Variants in MARCHF1 observed in about 807,000 individuals in gnomAD.
MARCHF1 encodes the protein membrane associated ring-CH-type finger 1.
In MARCHF1, 40 loss-of-function variants were observed where a neutral mutation model predicts 54.2. The observed-to-expected ratio is 0.74, with a 90% confidence interval of 0.57 to 0.96. MARCHF1 has a LOEUF of 0.96. Ranked by LOEUF, MARCHF1 falls within the 40% of genes least tolerant of loss-of-function variation. The pLI is 0.00. For missense variants in MARCHF1, 586 were observed against 656.5 expected, an observed-to-expected ratio of 0.89 and a Z score of 1.17; for synonymous variants, 236 against 236.3, an observed-to-expected ratio of 1.00 and a Z score of 0.01.
chr4:163,851,355 T>C (rs1471933961), intron 4 of MARCHF1, among the ~76,000 whole-genome samples: 1 of 152,196 alleles, frequency 6.6e-6, no homozygotes, highest in African/African-American at 2.4e-5. Context: ...GGATTGTGCC[T>C]GTGATTGACA....
chr4:164,221,853 C>G (rs139219086), intron 1 of MARCHF1, among the ~76,000 whole-genome samples: 1 of 152,076 alleles, frequency 6.6e-6, no homozygotes, highest in Non-Finnish European at 1.5e-5. Flanking sequence ...TATGTCCACT[C>G]CAGACTAATC....
At chr4:163,930,852 T>C (rs890932198) in intron 3 of MARCHF1, among the ~76,000 whole-genome samples, 1 of 152,100 alleles carries the variant, frequency 6.6e-6, no homozygotes, top group Non-Finnish European at 1.5e-5. Flanking sequence ...TTGGATGAAA[T>C]GAATGTACTT....
At chr4:164,128,889 C>T (rs966915422) in intron 1 of MARCHF1, among the ~76,000 whole-genome samples, 6 of 152,150 alleles carry the variant, frequency 3.9e-5, no homozygotes, top group African/African-American at 1.4e-4. Flanking sequence ...ACTCCAATAC[C>T]TCCTACTAAG....
intron 4 of MARCHF1, among the ~76,000 whole-genome samples, chr4:163,781,066 G>A (rs192731058): frequency 3.3e-5 from 5 of 152,256 alleles, no homozygotes; most frequent in South Asian, 4.1e-4. Context: ...AACAGAGGCC[G>A]GGCACGGTGG....
chr4:163,636,738 A>G (rs1248883432), intron 5 of MARCHF1, among the ~76,000 whole-genome samples: 4 of 152,244 alleles, frequency 2.6e-5, no homozygotes, highest in African/African-American at 9.6e-5. Flanking sequence ...ACAATTGGAA[A>G]AAACTACTTT....
At chr4:163,811,719 A>G (rs190517916) in intron 4 of MARCHF1, among the ~76,000 whole-genome samples, 52 of 152,338 alleles carry the variant, frequency 3.4e-4, no homozygotes, top group African/African-American at 1.2e-3. Flanking sequence ...AAGCTTTACT[A>G]TAATAGTAAT....
intron 5 of MARCHF1, among the ~76,000 whole-genome samples, chr4:163,634,109 A>G (rs906633411): frequency 6.6e-6 from 1 of 152,214 alleles, no homozygotes; most frequent in African/African-American, 2.4e-5. Context: ...CTAAACATGG[A>G]AAGGAACAAC....
chr4:163,749,891 A>G (rs1388198938), intron 4 of MARCHF1, among the ~76,000 whole-genome samples: 1 of 147,166 alleles, frequency 6.8e-6, no homozygotes, highest in Non-Finnish European at 1.5e-5. Flanking sequence ...GTGAAACCCT[A>G]TCTTTGTTAA....
At chr4:163,690,283 T>G (rs1744407189) in intron 5 of MARCHF1, among the ~76,000 whole-genome samples, 2 of 152,166 alleles carry the variant, frequency 1.3e-5, no homozygotes, top group Admixed American at 6.5e-5. Context: ...AAAAAGAGTC[T>G]TCTTGTTAAG....
intron 1 of MARCHF1, among the ~76,000 whole-genome samples, chr4:164,177,858 G>A (rs925154444): frequency 5.3e-5 from 8 of 151,814 alleles, no homozygotes; most frequent in African/African-American, 1.9e-4. Context: ...GACAGAGACA[G>A]AGAAAGAATG....
At chr4:164,027,598 C>T (rs923979098) in intron 2 of MARCHF1, among the ~76,000 whole-genome samples, 5 of 151,866 alleles carry the variant, frequency 3.3e-5, no homozygotes, top group Non-Finnish European at 7.4e-5. Flanking sequence ...TAAAAATTAA[C>T]TCAAGATGGA....
chr4:163,960,879 C>T (rs1752333402), intron 3 of MARCHF1, among the ~76,000 whole-genome samples: 1 of 151,356 alleles, frequency 6.6e-6, no homozygotes, highest in African/African-American at 2.4e-5. Context: ...ATTCTAGGGA[C>T]TAGACGTCCA....
chr4:163,788,033 AGAAAAGTAGAAAGTGATTG>A (rs891781354), intron 4 of MARCHF1, among the ~76,000 whole-genome samples: 57 of 152,150 alleles, frequency 3.7e-4, no homozygotes, highest in Admixed American at 3.2e-3. Flanking sequence ...TTATGCAAAC[AGAAAAGTAGAAAGTGATTG>A]TCAATGGATA....
intron 2 of MARCHF1, among the ~76,000 whole-genome samples, chr4:164,067,277 T>G (rs1594441): frequency 0.68 from 102,817 of 151,936 alleles, 36,025 homozygotes; most frequent in Non-Finnish European, 0.78. Context: ...GGAGTCCAAA[T>G]AGCCAAAATA....
In MARCHF1 at chr4:163,914,752, C is replaced by G. The variant is rs115924073; in HGVS notation, c.-38-60583G>C. 2.2e-3 allele frequency among the ~76,000 whole-genome samples: 334 copies of G among 152,122 alleles called. 1 individual carries two copies. The highest frequency in any genetic ancestry group is 7.6e-3 in the African/African-American group (316 of 41,538). ...AGAAATGATAAGTGTCTAAAGCTCACGTGAAAAACAAGTAGCTATCCAGTT... is the reference window on the plus strand; with the variant it reads ...AGAAATGATAAGTGTCTAAAGCTCAGGTGAAAAACAAGTAGCTATCCAGTT... On this transcript the variant is annotated intron_variant, in intron 3 of 9. Transcript: ENST00000514618.
intron 3 of MARCHF1, among the ~76,000 whole-genome samples, chr4:163,870,342 C>T (rs1196735144): frequency 1.3e-5 from 2 of 152,160 alleles, no homozygotes; most frequent in East Asian, 3.9e-4. Context: ...CCCCATTTTT[C>T]CATTACTCTT....
chr4:163,554,956 G>T (rs1171452474), intron 8 of MARCHF1, among the ~76,000 whole-genome samples: 1 of 152,062 alleles, frequency 6.6e-6, no homozygotes. Flanking sequence ...ATCTCTCACT[G>T]GTTTCTTTCA....
intron 4 of MARCHF1, among the ~76,000 whole-genome samples, chr4:163,725,102 T>G (rs1479094341): frequency 6.6e-6 from 1 of 152,180 alleles, no homozygotes; most frequent in Non-Finnish European, 1.5e-5. Context: ...TCGCTCACGC[T>G]GGGAGCTGTA....
chr4:163,651,504 C>A (rs1284895494), intron 5 of MARCHF1, among the ~76,000 whole-genome samples: 1 of 148,074 alleles, frequency 6.8e-6, no homozygotes, highest in Non-Finnish European at 1.5e-5. Flanking sequence ...CTGCAGCTCT[C>A]TCTGTCTTTC....
Sources: allele counts gnomAD v4.1 joint callset (sites outside exome capture counted in the v4.1 genomes callset), GRCh38; gene constraint gnomAD v4.1.1; transcripts MANE v1.5; gene names NCBI Gene and HGNC (gene_info 2026-07-23, HGNC 2026-07-21).